The following ZFAT variants were observed in gnomAD, a reference collection of about 807,000 sequenced individuals.
The protein encoded by ZFAT is zinc finger and AT-hook domain containing.
In ZFAT, 64 loss-of-function variants were observed where a neutral mutation model predicts 117.7. The observed-to-expected ratio is 0.54, with a 90% CI of 0.44 to 0.67. The LOEUF is 0.67. ZFAT is among the 30% of genes least tolerant of loss of function. ZFAT has a pLI of 0.00. For missense variants in ZFAT, 1,433 were observed against 1,584.5 expected (o/e 0.90, Z 1.62); for synonymous variants, 679 against 615.0 (o/e 1.10, Z -1.54).
At chr8:134,664,694 C>CA (rs910737590) in intron 1 of ZFAT, among the ~76,000 whole-genome samples, 1 of 152,142 alleles carries the variant, frequency 6.6e-6, no homozygotes, top group African/African-American at 2.4e-5. Flanking sequence ...GTTAATCCGC[C>CA]AAAATAACAA....
chr8:134,705,819 G>A (rs111506416), intron 1 of ZFAT, among the ~76,000 whole-genome samples: 3,302 of 151,994 alleles, frequency 0.022, 57 homozygotes, highest in South Asian at 0.073. Flanking sequence ...GATTACTGTC[G>A]TGAGCTACCA....
chr8:134,639,938 CCCAAAGAGAAGTCTGG>C, intron 2 of ZFAT: 1 of 362,738 alleles, frequency 2.8e-6, no homozygotes, highest in Non-Finnish European at 5.4e-6. Flanking sequence ...ATTAACTTTA[CCCAAAGAGAAGTCTGG>C]CCTTTGCCCT....
intron 13 of ZFAT, 50 bp from the exon 14 acceptor site, chr8:134,512,651 C>T (rs1444401403): frequency 6.3e-7 from 1 of 1,580,832 alleles, no homozygotes; most frequent in African/African-American, 1.4e-5. Flanking sequence ...TTGACTGTTG[C>T]CCAGAAGTTC....
intron 2 of ZFAT, among the ~76,000 whole-genome samples, chr8:134,644,709 C>T (rs1033359806): frequency 6.6e-6 from 1 of 151,948 alleles, no homozygotes; most frequent in South Asian, 2.1e-4. Flanking sequence ...CATATGCCCA[C>T]GACACACAGC....
chr8:134,512,625 G>A, intron 13 of ZFAT, 24 bp from the exon 14 acceptor site: 1 of 1,606,256 alleles, frequency 6.2e-7, no homozygotes, highest in Non-Finnish European at 8.5e-7. Flanking sequence ...TAGTACCTAA[G>A]TCATCTCCTA....
chr8:134,527,428 G>A (rs1244958072), intron 12 of ZFAT, among the ~76,000 whole-genome samples: 1 of 152,228 alleles, frequency 6.6e-6, no homozygotes, highest in Non-Finnish European at 1.5e-5. Flanking sequence ...AGGAACAAAA[G>A]CAGGTAAATT....
At chr8:134,688,808 A>G (rs1009018390) in intron 1 of ZFAT, among the ~76,000 whole-genome samples, 1 of 152,190 alleles carries the variant, frequency 6.6e-6, no homozygotes, top group African/African-American at 2.4e-5. Flanking sequence ...GAAGAGACCA[A>G]ATAAGAGCTT....
the ZFAT span, among the ~76,000 whole-genome samples, chr8:134,820,928 C>T: frequency 9.2e-5 from 14 of 152,154 alleles, no homozygotes; most frequent in African/African-American, 3.4e-4. Flanking sequence ...CCACATGGTG[C>T]CTACCATATA....
chr8:134,552,247 GA>G (rs201136812), intron 11 of ZFAT, among the ~76,000 whole-genome samples: 2 of 148,646 alleles, frequency 1.3e-5, no homozygotes, highest in Non-Finnish European at 1.5e-5. Flanking sequence ...CTGGTATTCA[GA>G]AAAAAAAAAT....
chr8:134,484,955 A>C (rs1034319893), intron 15 of ZFAT, among the ~76,000 whole-genome samples: 1 of 152,142 alleles, frequency 6.6e-6, no homozygotes, highest in Non-Finnish European at 1.5e-5. Context: ...GAACAAAGAA[A>C]GCAGTAAACA....
At chr8:134,818,991 G>A in the ZFAT span, among the ~76,000 whole-genome samples, 2 of 152,138 alleles carry the variant, frequency 1.3e-5, no homozygotes, top group African/African-American at 4.8e-5. Flanking sequence ...TGTGGTGATG[G>A]TCTCATGGAT....
chr8:134,773,990 T>TGG, the ZFAT span, among the ~76,000 whole-genome samples: 484 of 63,172 alleles, frequency 7.7e-3, 32 homozygotes, highest in South Asian at 0.053. Flanking sequence ...ATTAATTTTT[T>TGG]TTTTTTTTTT....
intron 3 of ZFAT, among the ~76,000 whole-genome samples, chr8:134,613,170 T>C (rs921115763): frequency 1.3e-5 from 2 of 152,164 alleles, no homozygotes; most frequent in African/African-American, 4.8e-5. Context: ...TACAATTCAA[T>C]ATGTGGGTGA....
chr8:134,650,725 T>C (rs921124414), intron 2 of ZFAT, among the ~76,000 whole-genome samples: 2 of 152,148 alleles, frequency 1.3e-5, no homozygotes, highest in African/African-American at 4.8e-5. Context: ...ATCAATGAAA[T>C]AGAATTAAGA....
intron 1 of ZFAT, among the ~76,000 whole-genome samples, chr8:134,679,777 T>C (rs1832977635): frequency 6.6e-6 from 1 of 152,230 alleles, no homozygotes; most frequent in Non-Finnish European, 1.5e-5. Context: ...GATGAGTTCA[T>C]GTCCTTTGCA....
At chr8:134,549,566 A>G (rs1415227585) in intron 11 of ZFAT, among the ~76,000 whole-genome samples, 2 of 152,194 alleles carry the variant, frequency 1.3e-5, no homozygotes, top group African/African-American at 4.8e-5. Flanking sequence ...CAAGAAGAAT[A>G]CTGATCACTA....
At chr8:134,530,538 C>G (rs1467664445) in intron 12 of ZFAT, among the ~76,000 whole-genome samples, 1 of 152,206 alleles carries the variant, frequency 6.6e-6, no homozygotes, top group African/African-American at 2.4e-5. Flanking sequence ...CCTGCCAGAG[C>G]ACAACGGCGC....
chr8:134,642,063 T>C (rs1243468295), intron 2 of ZFAT, among the ~76,000 whole-genome samples: 1 of 152,228 alleles, frequency 6.6e-6, no homozygotes, highest in African/African-American at 2.4e-5. Context: ...TTTAGCCTTA[T>C]AAAAATCTTA....
intron 1 of ZFAT, among the ~76,000 whole-genome samples, chr8:134,688,592 C>A (rs1833448624): frequency 6.6e-6 from 1 of 152,118 alleles, no homozygotes; most frequent in African/African-American, 2.4e-5. Flanking sequence ...CTTGGGTTTC[C>A]AGAGTTTGAG....
Sources: gnomAD v4.1 joint callset for allele counts (sites outside exome capture counted in the v4.1 genomes callset) on GRCh38, gnomAD v4.1.1 for gene constraint, MANE v1.5 for transcripts, NCBI Gene and HGNC (gene_info 2026-07-23, HGNC 2026-07-21) for gene names.